PRCD: variants seen among roughly 807,000 people sequenced by gnomAD.
The protein encoded by PRCD is photoreceptor disk component PRCD.
PRCD carries 12 observed loss-of-function variants against 10.1 expected under a neutral mutation model. The observed-to-expected ratio is 1.18, with a 90% CI of 0.76 to 1.92. The LOEUF is 1.92. Among genes scored for constraint, PRCD ranks in the 40% most tolerant of loss-of-function variants. The pLI is 0.00. For missense variants in PRCD, 61 were observed against 72.2 expected (o/e 0.84, Z 0.56); for synonymous variants, 31 against 26.2 (o/e 1.18, Z -0.56).
chr17:76,538,339 TC>T, upstream of PRCD: 1 of 331,262 alleles, frequency 3.0e-6, no homozygotes, highest in Non-Finnish European at 6.1e-6. Context: ...ACGGGGGTCG[TC>T]CCCCTGCCCG....
chr17:76,545,043 T>C lies in PRCD; in HGVS notation c.*1393T>C, dbSNP rs1333884722. 2.3e-6 allele frequency: 1 copy of C among 437,606 alleles called. No individual in the cohort carries two copies. The highest frequency in any genetic ancestry group is 4.6e-6 in the Non-Finnish European group (1 of 218,576). 27.1% of individuals were successfully genotyped at this position (437,606 alleles called of 1,614,324 possible). A position where few individuals can be genotyped will look rare whatever the true frequency, so the allele number is the denominator to read the frequency against. On this transcript the variant is annotated 3_prime_UTR_variant, in exon 5 of 5. Coordinates refer to ENST00000592014, the MANE Select transcript of PRCD (RefSeq NM_001077620.3). ...TTGGAGGTTGCCTGGGCAGCTGGGG[T>C]GCCATGTGGGCCGGGTGGGGGGGCT...
Position 76,544,464 on chromosome 17 carries a change from G to C in PRCD, c.*814G>C, listed in dbSNP as rs760790445. 1 of 455,342 alleles carries C rather than the reference G, an allele frequency of 2.2e-6. No homozygotes were observed. The highest frequency in any genetic ancestry group is 4.4e-6 in the Non-Finnish European group (1 of 226,994). 28.2% of individuals were successfully genotyped at this position (455,342 alleles called of 1,614,324 possible). On this transcript the variant is annotated 3_prime_UTR_variant, in exon 5 of 5. Coordinates refer to ENST00000592014, the MANE Select transcript of PRCD (RefSeq NM_001077620.3). The stretch of plus-strand genomic sequence containing the variant: ...GCTGGGGAGGGCCTGCTGGTACCTC[G>C]GGGAGCCTGGCTGGGGTGTGTGCGA...
upstream of PRCD, among the ~76,000 whole-genome samples, chr17:76,538,825 G>T (rs897779952): frequency 1.3e-5 from 2 of 152,258 alleles, no homozygotes; most frequent in African/African-American, 2.4e-5. Flanking sequence ...GTTGGGAAGA[G>T]ATGTCACTCA....
Position 76,542,640 on chromosome 17 carries a change from C to T in PRCD, c.*59+7C>T, listed in dbSNP as rs1369795195. ...GATCAGCTGGCTCAGGCAGGTAGGG[C>T]AGGGCTGGGAGCCGGGGAGGGCAGA... On this transcript the variant is annotated splice_region_variant and intron_variant, in intron 3 of 4. Transcript: ENST00000592014. 1.9e-6 allele frequency: 3 copies of T among 1,590,458 alleles called. No homozygotes were observed. The highest frequency in any genetic ancestry group is 2.6e-6 in the Non-Finnish European group (3 of 1,158,764).
At chr17:76,550,640 G>A (rs1039476935) in intron 1 of PRCD, 4 of 152,184 alleles carry the variant, frequency 2.6e-5, no homozygotes, top group Admixed American at 6.6e-5. Context: ...ACACTTATTG[G>A]ACTACTGAAC....
intron 1 of PRCD, chr17:76,527,923 G>C: frequency 2.5e-6 from 1 of 400,636 alleles, no homozygotes; most frequent in Non-Finnish European, 5.1e-6. Context: ...GTCTGAGAAG[G>C]GGCTGGGCTT....
At position 76,544,870 on chromosome 17, in the gene PRCD, G is replaced by A. The variant is rs1038519362; in HGVS notation, c.*1220G>A. On this transcript the variant is annotated 3_prime_UTR_variant, in exon 5 of 5. Transcript: ENST00000592014. ...CATGGAGCTGGCTCACGGCCCAGAC[G>A]CACTTCCCCAGGGCAGCGCCCCTCC... 1.8e-5 allele frequency: 8 copies of A among 456,662 alleles called. No homozygotes were observed. The highest frequency in any genetic ancestry group is 8.0e-5 in the African/African-American group (4 of 50,100). The allele number at this position is 456,662 out of a possible 1,614,324, so 28.3% of individuals were successfully genotyped here.
chr17:76,539,589 G>A (rs987300865), upstream of PRCD, among the ~76,000 whole-genome samples: 12 of 152,128 alleles, frequency 7.9e-5, no homozygotes, highest in Admixed American at 2.0e-4. Flanking sequence ...ATGCTTCCAC[G>A]GTGACATCAT....
rs2074837822 is a variant in PRCD, at chr17:76,531,278, T to C, written n.45+3445T>C. The C allele has an allele frequency of 8.2e-7, 1 of 1,222,910 alleles. No individual in the cohort carries two copies. Among genetic ancestry groups the C allele is most frequent in the Non-Finnish European group, 1.1e-6 (1 of 878,528 alleles). 75.8% of individuals were successfully genotyped at this position (1,222,910 alleles called of 1,614,324 possible). ...TCTGGCAGCTTTGGGAACCCCGTGC[T>C]CTCAGGACAAGGGTTGCCCTGGACC... On this transcript the variant is annotated intron_variant and non_coding_transcript_variant, in intron 1 of 4. Coordinates refer to the PRCD transcript ENST00000397633. This position sits in a 1 kb window ranked among gnomAD's most constrained non-coding sequence, Gnocchi z 7.4.
At position 76,544,501 on chromosome 17, in the gene PRCD, T is replaced by C. The variant is rs929274951; in HGVS notation, c.*851T>C. On this transcript the variant is annotated 3_prime_UTR_variant, in exon 5 of 5. Coordinates refer to ENST00000592014, the MANE Select transcript of PRCD (RefSeq NM_001077620.3). ...TGGGGTGTGTGCGAAGGCAGTTCTG[T>C]GGGAGCCTCTCAAAGTAGGGCAGGC... is the stretch of plus-strand genomic sequence containing the variant. 34 of 456,086 alleles carry C rather than the reference T, an allele frequency of 7.5e-5. No homozygotes were observed. The highest frequency in any genetic ancestry group is 1.3e-4 in the Non-Finnish European group (29 of 226,988). 28.3% of individuals were successfully genotyped at this position (456,086 alleles called of 1,614,324 possible). A position where few individuals can be genotyped will look rare whatever the true frequency, so the allele number is the denominator to read the frequency against.
upstream of PRCD, chr17:76,537,515 T>C (rs766973651): frequency 1.3e-6 from 2 of 1,573,560 alleles, no homozygotes; most frequent in East Asian, 5.1e-5. Flanking sequence ...CTGCGCTCGA[T>C]CTCCATCTCG....
Position 76,543,946 on chromosome 17 carries a change from C to T in PRCD, c.*296C>T, listed in dbSNP as rs538895142. 3.2e-4 allele frequency: 151 copies of T among 468,946 alleles called. 2 individuals are homozygous for T. Among genetic ancestry groups the T allele is most frequent in the South Asian group, 2.2e-3 (140 of 64,526 alleles). The allele number at this position is 468,946 out of a possible 1,614,324, so 29.0% of individuals were successfully genotyped here. The stretch of plus-strand genomic sequence containing the variant: ...AATGTGTTTTCTGTATGTGTGCAAG[C>T]GCGTGTGTTCCAAACGGGCAGTAGC... On this transcript the variant is annotated 3_prime_UTR_variant, in exon 5 of 5. Coordinates refer to ENST00000592014, the MANE Select transcript of PRCD (RefSeq NM_001077620.3).
At chr17:76,552,855 G>T in intron 1 of PRCD, 1 of 93,494 alleles carries the variant, frequency 1.1e-5, no homozygotes, top group Admixed American at 1.5e-4. Context: ...CAAGAGCAAA[G>T]CTCTGTCTCA....
At chr17:76,537,551 C>CCAAGCCCA (rs1348934561), upstream of PRCD, 2 of 1,439,768 alleles carry the variant, frequency 1.4e-6, no homozygotes, top group Non-Finnish European at 1.8e-6. Context: ...ATGAGCAGCT[C>CCAAGCCCA]CAAGCCCAGC....
Position 76,530,359 on chromosome 17 carries a change from T to C in PRCD, n.45+2526T>C, listed in dbSNP as rs182629711. Among the ~76,000 whole-genome samples the C allele has an allele frequency of 4.0e-4, 61 of 152,170 alleles. No individual in the cohort carries two copies. Among genetic ancestry groups the C allele is most frequent in the Middle Eastern group, 3.4e-3 (1 of 294 alleles). On this transcript the variant is annotated intron_variant and non_coding_transcript_variant, in intron 1 of 4. Coordinates refer to the PRCD transcript ENST00000397633. This position sits in a 1 kb window ranked among gnomAD's most constrained non-coding sequence, Gnocchi z 6.1. The stretch of plus-strand genomic sequence containing the variant: ...GAGTCACAGAGGGCGGCCACCCTCC[T>C]TGAGCCACCTCCTGGGCCCAGAACT...
At chr17:76,542,935 G>C (rs1242431805) in intron 3 of PRCD, 94 bp from the exon 4 acceptor site, 1 of 551,662 alleles carries the variant, frequency 1.8e-6, no homozygotes, top group East Asian at 4.5e-5. Context: ...GGACGCCCAA[G>C]GGAGAGGCGG....
At chr17:76,535,494 G>T (rs935028967), upstream of PRCD, among the ~76,000 whole-genome samples, 4 of 152,170 alleles carry the variant, frequency 2.6e-5, no homozygotes, top group Admixed American at 1.3e-4. Context: ...GGCCCTGTGG[G>T]GCTTGGGCTG....
rs1292406407 is a variant in PRCD, at chr17:76,531,062, G to C, written n.45+3229G>C. On this transcript the variant is annotated intron_variant and non_coding_transcript_variant, in intron 1 of 4. Coordinates refer to the PRCD transcript ENST00000397633. The surrounding 1 kb of genome is among the most constrained non-coding windows in gnomAD (Gnocchi z 7.4). The stretch of plus-strand genomic sequence containing the variant: ...GGCTGTAGATGAGGCCACGCAGCTT[G>C]GCCCAGGCTCTCTGCGTCTCAGGTG... 4.3e-6 allele frequency: 7 copies of C among 1,613,580 alleles called. No homozygotes were observed. The highest frequency in any genetic ancestry group is 1.7e-5 in the Admixed American group (1 of 59,994).
At chr17:76,537,218 G>A (rs1404787327), upstream of PRCD, among the ~76,000 whole-genome samples, 2 of 152,188 alleles carry the variant, frequency 1.3e-5, no homozygotes, top group Non-Finnish European at 2.9e-5. Flanking sequence ...AGCCAGGGAA[G>A]GCTCAACCCA....
Sources: gnomAD v4.1 joint callset for allele counts (sites outside exome capture counted in the v4.1 genomes callset) on GRCh38, gnomAD v4.1.1 for gene constraint, Gnocchi (gnomAD v3.1) non-coding constraint, MANE v1.5 for transcripts, NCBI Gene and HGNC (gene_info 2026-07-23, HGNC 2026-07-21) for gene names.